SLCO2A1: variants seen among roughly 807,000 people sequenced by gnomAD.
The protein encoded by SLCO2A1 is solute carrier organic anion transporter family member 2A1, also known as matrin F/G 1.
SLCO2A1 carries 60 observed loss-of-function variants against 71.7 expected under a neutral mutation model. The ratio of observed to expected loss-of-function variants is 0.84; its 90% CI spans 0.68 to 1.04. SLCO2A1 has a LOEUF of 1.04. SLCO2A1 is among the 50% of genes least tolerant of loss of function. The pLI is 0.00. For missense variants in SLCO2A1, 745 were observed against 813.4 expected (o/e 0.92, Z 1.02); for synonymous variants, 308 against 326.7 (o/e 0.94, Z 0.62).
rs1278300297 is a variant in SLCO2A1 at position 133,932,890 on chromosome 3, GAA to G, written c.*1821_*1822del. 6.6e-6 allele frequency: 1 copy of G among 152,564 alleles called. No individual in the cohort carries two copies. Among genetic ancestry groups the G allele is most frequent in the Non-Finnish European group, 1.5e-5 (1 of 68,036 alleles). The allele number at this position is 152,564 out of a possible 1,614,324, so 9.5% of individuals were successfully genotyped here. A position where few individuals can be genotyped will look rare whatever the true frequency, so the allele number is the denominator to read the frequency against. ...GTTGCAGGGCATCATTTTCCAAGCA[GAA>G]CCATTTCAAATGCTAAAACTGGCCC... is the stretch of plus-strand genomic sequence containing the variant. On this transcript the variant is annotated 3_prime_UTR_variant, in exon 14 of 14. Transcript: ENST00000310926.
At chr3:133,934,941 TGTGG>T in intron 13 of SLCO2A1, 111 bp from the exon 14 acceptor site, 1 of 795,144 alleles carries the variant, frequency 1.3e-6, no homozygotes, top group Non-Finnish European at 2.1e-6. Context: ...CCGCGGAAGG[TGTGG>T]GCACCATCCA....
chr3:134,004,620 C>T (rs1159026261), intron 1 of SLCO2A1, among the ~76,000 whole-genome samples: 1 of 152,190 alleles, frequency 6.6e-6, no homozygotes, highest in Non-Finnish European at 1.5e-5. Context: ...AGGTGTGAGC[C>T]ACCACGCCCA....
intron 7 of SLCO2A1, 91 bp from the exon 8 acceptor site, chr3:133,948,791 C>T: frequency 6.3e-7 from 1 of 1,588,462 alleles, no homozygotes; most frequent in South Asian, 1.1e-5. Flanking sequence ...TCTGCTCCTA[C>T]TGTCCCTTAC....
At chr3:134,014,774 G>T (rs1935412754) in intron 1 of SLCO2A1, among the ~76,000 whole-genome samples, 1 of 152,196 alleles carries the variant, frequency 6.6e-6, no homozygotes, top group African/African-American at 2.4e-5. Context: ...GAGATGACCA[G>T]GTGGGAATCC....
chr3:133,961,137 G>A (rs1197899727), intron 3 of SLCO2A1, among the ~76,000 whole-genome samples: 1 of 152,044 alleles, frequency 6.6e-6, no homozygotes, highest in Middle Eastern at 3.2e-3. Context: ...ACACACTAGA[G>A]GACTTAGGAG....
At chr3:134,006,756 C>T (rs1318656148) in intron 1 of SLCO2A1, among the ~76,000 whole-genome samples, 1 of 152,168 alleles carries the variant, frequency 6.6e-6, no homozygotes, top group African/African-American at 2.4e-5. Context: ...CACGTTTTGG[C>T]TATCGTGAAT....
rs757902845 is a variant in SLCO2A1 at position 133,973,668 on chromosome 3, C to T, written c.392G>A (p.Ser131Asn). 4.6e-5 allele frequency: 74 copies of T among 1,613,610 alleles called. No individual in the cohort carries two copies. Among genetic ancestry groups the T allele is most frequent in the Non-Finnish European group, 5.5e-5 (65 of 1,180,010 alleles). Residue 131 changes from serine to asparagine, a missense_variant, in exon 3 of 14, where the codon AGC (serine) becomes AAC (asparagine). Ser to Asn is a conservative substitution (Grantham distance 46). Coordinates refer to ENST00000310926, the MANE Select transcript of SLCO2A1 (RefSeq NM_005630.3). ...AGGGGTTGGAAGCCACTCACCAGTG[C>T]TGGCCAAGGTGTACTGGTAGGGCTC... ...LSEPYQYTLA[S>N]TGNNSRLQAE...
Position 133,948,679 on chromosome 3 carries a change from C to T in SLCO2A1, c.962G>A (p.Arg321Lys). 1 of 1,614,008 alleles carries T rather than the reference C, an allele frequency of 6.2e-7. No individual in the cohort carries two copies. The highest frequency in any genetic ancestry group is 1.1e-5 in the South Asian group (1 of 91,058). ...GACGAAGAGTGAGTTCATCAGGAGC[C>T]TCAGAAAGATGCATGGAAACCCTGT... ...FIKRFPCIFL[R>K]LLMNSLFVLV... is the part of the protein sequence containing the mutation. The change falls in exon 8 of 14, where the codon AGG becomes AAG. Residue 321 changes from arginine (R) to lysine (K), a missense_variant. Transcript: ENST00000310926.
Position 133,973,759 on chromosome 3 carries a change from T to A in SLCO2A1, c.301A>T (p.Ile101Phe). 1 of 1,613,942 alleles carries A rather than the reference T, an allele frequency of 6.2e-7. No homozygotes were observed. The highest frequency in any genetic ancestry group is 2.2e-5 in the East Asian group (1 of 44,862). Residue 101 changes from isoleucine to phenylalanine, a missense_variant, in exon 3 of 14, where the codon ATT becomes TTT. Physicochemically the swap from Ile to Phe is conservative, Grantham distance 21. Coordinates refer to ENST00000310926, the MANE Select transcript of SLCO2A1 (RefSeq NM_005630.3). The part of the protein sequence containing the change: ...FGSRVHRPRL[I>F]GIGGLFLAAG... ...GCCAGGAAGAGACCTCCGATGCCAA[T>A]CAGACGTGGACGGTGCACCCGGCTG...
chr3:133,964,869 G>A (rs1026618935), intron 3 of SLCO2A1, among the ~76,000 whole-genome samples: 5 of 152,158 alleles, frequency 3.3e-5, no homozygotes, highest in Admixed American at 1.3e-4. Flanking sequence ...TTTCTCTTCC[G>A]CTGCCCACAC....
chr3:133,973,854 G>C, intron 2 of SLCO2A1, 29 bp from the exon 3 acceptor site: 1 of 1,599,746 alleles, frequency 6.3e-7, no homozygotes, highest in Non-Finnish European at 8.5e-7. Context: ...GGCTGAGTGA[G>C]ACAAGAGGCC....
chr3:133,950,068 TCCCTAC>T (rs1933700055), intron 6 of SLCO2A1, among the ~76,000 whole-genome samples: 1 of 151,978 alleles, frequency 6.6e-6, no homozygotes, highest in African/African-American at 2.4e-5. Context: ...CTTCATTCCT[TCCCTAC>T]CCACCAATCT....
chr3:134,017,554 C>T (rs998034797), intron 1 of SLCO2A1, among the ~76,000 whole-genome samples: 3 of 152,194 alleles, frequency 2.0e-5, no homozygotes, highest in African/African-American at 7.2e-5. Context: ...GAACAGGGGC[C>T]AAACTAGCCT....
chr3:134,003,041 G>T (rs1203728300), intron 1 of SLCO2A1, among the ~76,000 whole-genome samples: 9 of 152,186 alleles, frequency 5.9e-5, no homozygotes, highest in Admixed American at 5.9e-4. Context: ...TTCCAGGACT[G>T]ATCCGCTTCC....
chr3:133,945,441 T>G (rs1933549458), intron 9 of SLCO2A1, among the ~76,000 whole-genome samples, 181 bp from the exon 10 acceptor site: 1 of 152,146 alleles, frequency 6.6e-6, no homozygotes, highest in Admixed American at 6.5e-5. Flanking sequence ...TTTGCCACTG[T>G]TTAGTGGTCA....
At chr3:133,951,406 A>C in intron 5 of SLCO2A1, 62 bp from the exon 6 acceptor site, 1 of 1,589,312 alleles carries the variant, frequency 6.3e-7, no homozygotes, top group Non-Finnish European at 8.6e-7. Flanking sequence ...TACTGGAAAC[A>C]GAACCTCTGA....
intron 1 of SLCO2A1, among the ~76,000 whole-genome samples, chr3:134,013,496 C>T (rs1201624686): frequency 2.0e-5 from 3 of 152,188 alleles, no homozygotes; most frequent in Non-Finnish European, 4.4e-5. Flanking sequence ...TTCTGTCTGA[C>T]GGTGTCCCAT....
At chr3:134,012,887 T>G (rs1935370848) in intron 1 of SLCO2A1, among the ~76,000 whole-genome samples, 1 of 152,196 alleles carries the variant, frequency 6.6e-6, no homozygotes, top group Admixed American at 6.5e-5. Context: ...TTTGTTCTTG[T>G]AAAATGTCAT....
chr3:133,955,705 G>A (rs115826483), intron 3 of SLCO2A1, among the ~76,000 whole-genome samples: 1,589 of 152,298 alleles, frequency 0.01, 28 homozygotes, highest in African/African-American at 0.037. Flanking sequence ...CACCTACAAC[G>A]TGGGTTGAGT....
Sources: allele counts gnomAD v4.1 joint callset (sites outside exome capture counted in the v4.1 genomes callset), GRCh38; gene constraint gnomAD v4.1.1; transcripts MANE v1.5; gene names NCBI Gene and HGNC (gene_info 2026-07-23, HGNC 2026-07-21).